The following INCENP variants were observed in gnomAD, a reference collection of about 807,000 sequenced individuals.
The protein encoded by INCENP is inner centromere protein, also known as binds and activates aurora-B and -C in vivo and in vitro.
In INCENP, 43 loss-of-function variants were observed where a neutral mutation model predicts 107.3. The observed-to-expected ratio is 0.40, with a 90% CI of 0.31 to 0.52. The LOEUF (loss-of-function observed/expected upper bound fraction) is 0.52. Ranked by LOEUF, INCENP falls within the 20% of genes least tolerant of loss-of-function variation. INCENP has a pLI of 0.53. For missense variants in INCENP, 1,089 were observed against 1,250.9 expected (o/e 0.87, Z 1.95); for synonymous variants, 488 against 494.4 (o/e 0.99, Z 0.17).
In INCENP at chr11:62,129,919, C is replaced by G. The variant is rs759740436; in HGVS notation, c.392C>G (p.Ala131Gly). The change falls in exon 4 of 19, where the codon GCT becomes GGT. Residue 131 changes from alanine to glycine, a missense_variant. Ala to Gly is a moderately conservative substitution (Grantham distance 60). Transcript: ENST00000394818. ...CGTGTGACCCGTGCTGCGGCTGCAG[C>G]TGCCGCGGCTACCATGGCATTGGCT... Reference protein sequence around the residue: ...LRRVTRAAAAAAAATMALAAP... With the variant: ...LRRVTRAAAAGAAATMALAAP... 6.2e-7 allele frequency: 1 copy of G among 1,613,426 alleles called. No homozygotes were observed. The highest frequency in any genetic ancestry group is 1.1e-5 in the South Asian group (1 of 91,090).
chr11:62,140,694 G>A lies in INCENP; in HGVS notation c.1344-10G>A, dbSNP rs532257606. ...GCTGCCCTGTGATGCCGCCGCCCGC[G>A]CCTTGGCAGGAGGAAGCGCAGCTAC... On this transcript the variant is annotated splice_polypyrimidine_tract_variant and intron_variant, in intron 8 of 18. Coordinates refer to ENST00000394818, the MANE Select transcript of INCENP (RefSeq NM_001040694.2). The A allele has an allele frequency of 2.4e-5, 38 of 1,552,986 alleles. No individual in the cohort carries two copies. The highest frequency in any genetic ancestry group is 3.9e-5 in the Admixed American group (2 of 51,360).
chr11:62,127,208 A>G (rs1285173278), intron 1 of INCENP, among the ~76,000 whole-genome samples: 1 of 151,674 alleles, frequency 6.6e-6, no homozygotes, highest in Non-Finnish European at 1.5e-5. Flanking sequence ...AGCTAATTGT[A>G]TTTCTAGTAG....
intron 11 of INCENP, among the ~76,000 whole-genome samples, chr11:62,142,362 G>T (rs1208832873): frequency 1.3e-5 from 2 of 152,246 alleles, no homozygotes; most frequent in African/African-American, 4.8e-5. Context: ...TCTTGTTGGA[G>T]AGGGTGACTG....
Position 62,125,704 on chromosome 11 carries a change from G to A in INCENP, c.-12+1541G>A, listed in dbSNP as rs1008018710. ...TGTGTGGTGGGATGAGCACCTATAG[G>A]ATGTTTATTTCTAGGTGTAGAGTTG... On this transcript the variant is annotated intron_variant, in intron 1 of 18. Transcript: ENST00000394818. Among the ~76,000 whole-genome samples, 3 of 152,220 alleles carry A rather than the reference G, an allele frequency of 2.0e-5. No homozygotes were observed. The South Asian group carries it at 6.2e-4, about 32-fold the overall frequency.
chr11:62,134,854 G>C (rs932986527), intron 4 of INCENP, among the ~76,000 whole-genome samples: 6 of 152,096 alleles, frequency 3.9e-5, no homozygotes, highest in African/African-American at 1.4e-4. Context: ...GATTGAGACT[G>C]TCTTGGCCAA....
At chr11:62,145,952 G>A (rs1006254655) in intron 14 of INCENP, among the ~76,000 whole-genome samples, 24 of 152,228 alleles carry the variant, frequency 1.6e-4, no homozygotes, top group African/African-American at 5.3e-4. Flanking sequence ...GCAGTAATTT[G>A]AGGGTTAAGT....
At chr11:62,142,733 T>G (rs1372547615) in intron 11 of INCENP, among the ~76,000 whole-genome samples, 1 of 152,254 alleles carries the variant, frequency 6.6e-6, no homozygotes, top group Non-Finnish European at 1.5e-5. Context: ...ATTTTGAAGA[T>G]GGCAGTGCTG....
chr11:62,140,684 C>T lies in INCENP; in HGVS notation c.1344-20C>T, dbSNP rs145811158. ...GCTGTGGCGGGCTGCCCTGTGATGC[C>T]GCCGCCCGCGCCTTGGCAGGAGGAA... On this transcript the variant is annotated intron_variant, in intron 8 of 18. Transcript: ENST00000394818. 285 of 1,542,350 alleles carry T rather than the reference C, an allele frequency of 1.8e-4. No homozygotes were observed. The East Asian group carries it at 6.2e-3, about 33-fold the overall frequency.
chr11:62,140,668 G>T (rs936433475), intron 8 of INCENP, 36 bp from the exon 9 acceptor site: 28 of 1,520,086 alleles, frequency 1.8e-5, no homozygotes, highest in Non-Finnish European at 2.5e-5. Flanking sequence ...GGCTGTGGCG[G>T]GCTGCCCTGT....
chr11:62,145,856 C>A (rs1299446223), intron 14 of INCENP, 105 bp downstream of exon 14: 2 of 1,342,988 alleles, frequency 1.5e-6, no homozygotes, highest in Non-Finnish European at 2.0e-6. Context: ...TTGACCCAGA[C>A]CATCTTGTTG....
intron 18 of INCENP, among the ~76,000 whole-genome samples, chr11:62,150,789 G>A (rs542336738): frequency 3.3e-5 from 5 of 152,344 alleles, no homozygotes; most frequent in African/African-American, 1.2e-4. Context: ...TGAGTGAGCA[G>A]GGTAGGTGCT....
chr11:62,128,156 G>A lies in INCENP; in HGVS notation c.-6G>A. The A allele has an allele frequency of 6.2e-7, 1 of 1,614,100 alleles. No individual in the cohort carries two copies. The highest frequency in any genetic ancestry group is 8.5e-7 in the Non-Finnish European group (1 of 1,180,000). On this transcript the variant is annotated 5_prime_UTR_variant, in exon 2 of 19. Coordinates refer to ENST00000394818, the MANE Select transcript of INCENP (RefSeq NM_001040694.2). ...CTTGTCCCTGCCTTCACCAGACAGA[G>A]CCACCATGGGGACGACGGCCCCAGG...
chr11:62,146,508 C>A (rs1944245450), intron 14 of INCENP, 150 bp from the exon 15 acceptor site: 1 of 1,221,080 alleles, frequency 8.2e-7, no homozygotes, highest in Non-Finnish European at 1.1e-6. Context: ...TCTGGCAGAG[C>A]CTTGCTCGGG....
rs3741249 is a variant in INCENP, at chr11:62,145,369, G to A, written c.1836+80G>A. On this transcript the variant is annotated intron_variant, in intron 13 of 18. Coordinates refer to ENST00000394818, the MANE Select transcript of INCENP (RefSeq NM_001040694.2). ...GGACTGGACCCCTCAGGAAATTGCA[G>A]ATTTGTCACTGTACCCCTGTACCCA... 199 of 1,585,836 alleles carry A rather than the reference G, an allele frequency of 1.3e-4. No homozygotes were observed. In the East Asian group the frequency reaches 4.4e-3, roughly 35 times the overall value.
chr11:62,150,050 T>G lies in INCENP; in HGVS notation c.2392-7T>G, dbSNP rs374242855. 6 of 1,613,424 alleles carry G rather than the reference T, an allele frequency of 3.7e-6. No individual in the cohort carries two copies. Among genetic ancestry groups the G allele is most frequent in the Non-Finnish European group, 5.1e-6 (6 of 1,179,704 alleles). On this transcript the variant is annotated splice_polypyrimidine_tract_variant and splice_region_variant and intron_variant, in intron 17 of 18. Transcript: ENST00000394818. ...GAGGGAACTGACGGCCACGTTTGTT[T>G]TTGCAGTCTCCAGCTTGTACCTCAT...
rs1441905483 is a variant in INCENP, at chr11:62,130,052, G to A, written c.525G>A (p.Glu175=). 6.2e-7 allele frequency: 1 copy of A among 1,613,730 alleles called. No homozygotes were observed. The highest frequency in any genetic ancestry group is 8.5e-7 in the Non-Finnish European group (1 of 1,180,026). The change falls in exon 4 of 19, where the codon GAG becomes GAA. Residue 175 remains glutamate (E), a synonymous_variant. Transcript: ENST00000394818. ...LVPVVEIGIS[E]RQNAEQHVTQ... is the part of the protein sequence containing the mutation. ...CTGTGGTGGAGATCGGCATCAGTGAGCGCCAGAATGCTGAGCAGCATGTCA... is the reference window on the plus strand; with the variant it reads ...CTGTGGTGGAGATCGGCATCAGTGAACGCCAGAATGCTGAGCAGCATGTCA...
intron 18 of INCENP, among the ~76,000 whole-genome samples, chr11:62,150,892 G>A (rs192949488): frequency 4.0e-4 from 61 of 152,126 alleles, no homozygotes; most frequent in African/African-American, 1.1e-3. Flanking sequence ...GGGTGCAGAC[G>A]CCCCAGAGGG....
chr11:62,146,271 T>C (rs1020841103), intron 14 of INCENP, among the ~76,000 whole-genome samples: 3 of 152,180 alleles, frequency 2.0e-5, no homozygotes, highest in Admixed American at 2.0e-4. Context: ...AGGTCAGTTA[T>C]TTACTGTGTG....
chr11:62,132,354 G>T (rs770711215), intron 4 of INCENP, among the ~76,000 whole-genome samples: 11 of 152,276 alleles, frequency 7.2e-5, no homozygotes, highest in Non-Finnish European at 1.2e-4. Context: ...CGCAGGGCAG[G>T]GCCTGTCAGG....
Sources: allele counts gnomAD v4.1 joint callset (sites outside exome capture counted in the v4.1 genomes callset), GRCh38; gene constraint gnomAD v4.1.1; transcripts MANE v1.5; gene names NCBI Gene and HGNC (gene_info 2026-07-23, HGNC 2026-07-21).